CCDC148: variants seen among roughly 807,000 people sequenced by gnomAD.
CCDC148 encodes the protein coiled-coil domain containing 148, also known as coiled-coil domain-containing protein 148.
A neutral mutation model predicts 85.7 loss-of-function variants in CCDC148; 89 were observed. The observed-to-expected ratio is 1.04, with a 90% CI of 0.87 to 1.24. The LOEUF is 1.24. Among genes scored for constraint, CCDC148 ranks in the 50% most tolerant of loss-of-function variants. The pLI, the probability that CCDC148 is intolerant of heterozygous loss-of-function variation, is 0.00. For missense variants in CCDC148, 692 were observed against 671.7 expected, an observed-to-expected ratio of 1.03 and a Z score of -0.33; for synonymous variants, 230 against 213.9, an observed-to-expected ratio of 1.08 and a Z score of -0.66.
chr2:158,285,872 C>T (rs1690601297), intron 9 of CCDC148, among the ~76,000 whole-genome samples: 2 of 152,020 alleles, frequency 1.3e-5, no homozygotes, highest in South Asian at 4.2e-4. Context: ...TGTTCTCTTT[C>T]AGGTCAGGAA....
intron 9 of CCDC148, among the ~76,000 whole-genome samples, chr2:158,292,415 T>C (rs1389110993): frequency 6.6e-6 from 1 of 152,224 alleles, no homozygotes; most frequent in African/African-American, 2.4e-5. Flanking sequence ...ACAACTAATA[T>C]ATTTAATTCC....
chr2:158,272,300 G>C (rs1275742471), intron 9 of CCDC148, among the ~76,000 whole-genome samples: 1 of 152,148 alleles, frequency 6.6e-6, no homozygotes, highest in Non-Finnish European at 1.5e-5. Flanking sequence ...GACCAAGACA[G>C]TATATGAGTC....
intron 7 of CCDC148, among the ~76,000 whole-genome samples, chr2:158,320,307 G>C (rs1024772823): frequency 5.3e-5 from 8 of 152,064 alleles, no homozygotes; most frequent in African/African-American, 1.7e-4. Context: ...TTATTTTTTA[G>C]ATATTAGCAA....
intron 1 of CCDC148, among the ~76,000 whole-genome samples, chr2:158,435,653 A>T (rs1306591531): frequency 6.6e-6 from 1 of 152,242 alleles, no homozygotes; most frequent in Non-Finnish European, 1.5e-5. Context: ...AAACAGGCTA[A>T]ATGCTCCAAT....
Position 158,172,075 on chromosome 2 carries a change from G to T in CCDC148, c.*38C>A. On this transcript the variant is annotated 3_prime_UTR_variant, in exon 14 of 14. Transcript: ENST00000283233. ...TATTATCCATATACATGTTTTCAAAGAAAAATGCTCTTTACATATAGAATT... is the reference window on the plus strand; with the variant it reads ...TATTATCCATATACATGTTTTCAAATAAAAATGCTCTTTACATATAGAATT... The T allele has an allele frequency of 6.9e-7, 1 of 1,452,908 alleles. No individual in the cohort carries two copies. Among genetic ancestry groups the T allele is most frequent in the Non-Finnish European group, 9.3e-7 (1 of 1,071,388 alleles). 90.0% of individuals were successfully genotyped at this position (1,452,908 alleles called of 1,614,324 possible). A position where few individuals can be genotyped will look rare whatever the true frequency, so the allele number is the denominator to read the frequency against.
chr2:158,420,180 T>C (rs891921653), intron 1 of CCDC148: 8 of 152,104 alleles, frequency 5.3e-5, no homozygotes, highest in African/African-American at 1.7e-4. Context: ...CTCTGCAGGA[T>C]ATTATCCAGG....
At chr2:158,337,557 T>G (rs895363325) in intron 7 of CCDC148, among the ~76,000 whole-genome samples, 35 of 152,126 alleles carry the variant, frequency 2.3e-4, no homozygotes, top group East Asian at 1.2e-3. Context: ...CAAGTGTAAA[T>G]TGTATATTAT....
At chr2:158,280,825 T>A (rs1286724488) in intron 9 of CCDC148, among the ~76,000 whole-genome samples, 2 of 152,128 alleles carry the variant, frequency 1.3e-5, no homozygotes, top group Non-Finnish European at 2.9e-5. Flanking sequence ...AGAATATACA[T>A]TTTTTTCAGC....
At chr2:158,268,817 A>G (rs1689581450) in intron 9 of CCDC148, among the ~76,000 whole-genome samples, 1 of 152,184 alleles carries the variant, frequency 6.6e-6, no homozygotes, top group South Asian at 2.1e-4. Context: ...TTCCACATGT[A>G]GGTGAGATCA....
chr2:158,211,689 C>A (rs969003514), intron 11 of CCDC148, among the ~76,000 whole-genome samples: 4 of 152,174 alleles, frequency 2.6e-5, no homozygotes, highest in Non-Finnish European at 1.5e-5. Context: ...TTGGAAGGAA[C>A]CAGAGATGTA....
intron 9 of CCDC148, among the ~76,000 whole-genome samples, chr2:158,294,008 CCTTCCTTCCTTCCT>C (rs1559049786): frequency 0.15 from 1,612 of 10,846 alleles, 253 homozygotes; most frequent in Non-Finnish European, 0.19. Context: ...CTCCCTCCTT[CCTTCCTTCCTTCCT>C]TCCTTCCTTC....
chr2:158,181,746 A>AT (rs371001002), intron 11 of CCDC148, among the ~76,000 whole-genome samples: 129 of 152,230 alleles, frequency 8.5e-4, no homozygotes, highest in African/African-American at 2.9e-3. Flanking sequence ...ATAACCAAAA[A>AT]TGAGCAAAAT....
intron 10 of CCDC148, among the ~76,000 whole-genome samples, chr2:158,230,705 G>A (rs1028895296): frequency 9.9e-5 from 15 of 152,154 alleles, no homozygotes; most frequent in Non-Finnish European, 1.8e-4. Flanking sequence ...TGGAGCACGG[G>A]TAGTAGAGAA....
intron 9 of CCDC148, among the ~76,000 whole-genome samples, chr2:158,271,399 A>G (rs1052036653): frequency 6.6e-6 from 1 of 152,194 alleles, no homozygotes; most frequent in African/African-American, 2.4e-5. Context: ...TTTAAGTTGC[A>G]TGCTGTTCTG....
intron 11 of CCDC148, among the ~76,000 whole-genome samples, chr2:158,215,169 G>A (rs1431790107): frequency 6.6e-6 from 1 of 152,056 alleles, no homozygotes; most frequent in African/African-American, 2.4e-5. Flanking sequence ...TAAATCAGTG[G>A]GTAAAGATGA....
chr2:158,377,283 G>T (rs114074916), intron 1 of CCDC148, among the ~76,000 whole-genome samples: 3 of 143,738 alleles, frequency 2.1e-5, no homozygotes, highest in Non-Finnish European at 3.2e-5. Context: ...GATGGTGTGG[G>T]GGGGGTGGGG....
At chr2:158,335,427 C>G (rs1031557694) in intron 7 of CCDC148, among the ~76,000 whole-genome samples, 4 of 152,066 alleles carry the variant, frequency 2.6e-5, no homozygotes, top group Non-Finnish European at 5.9e-5. Context: ...TTAGTCTGTT[C>G]TGATGCTGTT....
chr2:158,280,430 A>G lies in CCDC148; in HGVS notation c.1110+29003T>C, dbSNP rs538601512. Among the ~76,000 whole-genome samples the G allele has an allele frequency of 5.5e-3, 834 of 152,326 alleles. 2 individuals carry two copies. Among genetic ancestry groups the G allele is most frequent in the African/African-American group, 0.015 (611 of 41,578 alleles). ...AGGCTCAAAATAAAGGGATGGAGGA[A>G]GATGTACCAAGCAAATGGAAAACAA... On this transcript the variant is annotated intron_variant, in intron 9 of 13. Coordinates refer to ENST00000283233, the MANE Select transcript of CCDC148 (RefSeq NM_138803.4).
chr2:158,424,585 GA>G (rs1342421291), intron 1 of CCDC148: 1 of 154,006 alleles, frequency 6.5e-6, no homozygotes, highest in Non-Finnish European at 1.4e-5. Flanking sequence ...GGGGAGTGGG[GA>G]GGGATAACAT....
Sources: gnomAD v4.1 joint callset for allele counts (sites outside exome capture counted in the v4.1 genomes callset) on GRCh38, gnomAD v4.1.1 for gene constraint, MANE v1.5 for transcripts, NCBI Gene and HGNC (gene_info 2026-07-23, HGNC 2026-07-21) for gene names.